The following ATRX variants were observed in gnomAD, a reference collection of about 807,000 sequenced individuals.
ATRX encodes the protein chromatin remodeler ATRX.
ATRX carries 12 observed loss-of-function variants against 172.6 expected under a neutral mutation model. The observed-to-expected ratio is 0.07, with a 90% CI of 0.04 to 0.11. The LOEUF is 0.11. ATRX is among the 10% of genes least tolerant of loss of function. ATRX has a pLI of 1.00. For missense variants in ATRX, 1,368 were observed against 1,767.4 expected, an observed-to-expected ratio of 0.77 and a Z score of 4.05; for synonymous variants, 674 against 594.7, an observed-to-expected ratio of 1.13 and a Z score of -1.94.
rs1175933128 is a variant in ATRX, at chrX:77,786,106, G to A, written c.-105C>T. The A allele has an allele frequency of 1.0e-6, 1 of 978,335 alleles. No individual in the cohort carries two copies. The highest frequency in any genetic ancestry group is 1.4e-6 in the Non-Finnish European group (1 of 712,299). 80.6% of individuals were successfully genotyped at this position (978,335 alleles called of 1,213,427 possible). A position where few individuals can be genotyped will look rare whatever the true frequency, so the allele number is the denominator to read the frequency against. ...ATGCACTGGAGTCTTAGTCGTCACT[G>A]TAGCTGCTGCTGGAACCTCCCCACA... On this transcript the variant is annotated 5_prime_UTR_variant, in exon 1 of 35. Transcript: ENST00000373344.
rs1202049886 is a variant in ATRX at position 77,735,766 on chromosome X, C to T, written c.21-18523G>A. 4.2e-5 allele frequency among the ~76,000 whole-genome samples: 4 copies of T among 95,297 alleles called. No homozygotes were observed. The East Asian group carries it at 1.3e-3, about 32-fold the overall frequency. 82.8% of individuals were successfully genotyped at this position (95,297 alleles called of 115,157 possible). ...GCAGTGAGCCGAGATCGTGCCACTG[C>T]ACTCCAGCCTGGGTGACAGAGCAAG... On this transcript the variant is annotated intron_variant, in intron 1 of 34. Transcript: ENST00000373344.
At chrX:77,710,101 C>A (rs1211251007) in intron 2 of ATRX, among the ~76,000 whole-genome samples, 1 of 109,946 alleles carries the variant, frequency 9.1e-6, no homozygotes, top group Admixed American at 9.7e-5. Context: ...GAGTTCGAGA[C>A]CAGCCTGGCC....
intron 30 of ATRX, among the ~76,000 whole-genome samples, chrX:77,530,098 A>C (rs1401325588): frequency 8.9e-6 from 1 of 112,105 alleles, no homozygotes; most frequent in Non-Finnish European, 1.9e-5. Context: ...ACAGTCTCTT[A>C]GACCACAGCG....
At chrX:77,534,542 T>C (rs918823006) in intron 30 of ATRX, among the ~76,000 whole-genome samples, 5 of 111,708 alleles carry the variant, frequency 4.5e-5, no homozygotes, top group Admixed American at 9.5e-5. Context: ...TTGAAAACAA[T>C]AGTGGAGCAG....
At chrX:77,628,159 A>G (rs1602949337) in intron 19 of ATRX, among the ~76,000 whole-genome samples, 1 of 112,685 alleles carries the variant, frequency 8.9e-6, no homozygotes, top group East Asian at 2.8e-4. Flanking sequence ...TCAATACACT[A>G]TGGAAACCTG....
Position 77,681,807 on chromosome X carries a change from T to G in ATRX, c.3449A>C (p.Gln1150Pro). Residue 1150 changes from glutamine (Q) to proline (P), a missense_variant, in exon 9 of 35, where the codon CAA becomes CCA. This residue lies in a region of ATRX where 843 missense variants were observed against 643.1 expected (regional missense o/e 1.31). Transcript: ENST00000373344. ...LSSKRNTKEI[Q>P]SGSSSSDAEE... ...AGCATCAGATGATGATGAGCCACTT[T>G]GTATTTCCTTAGTATTTCTCTTTGA... 1 of 1,197,927 alleles carries G rather than the reference T, an allele frequency of 8.3e-7. No homozygotes were observed. The highest frequency in any genetic ancestry group is 1.1e-6 in the Non-Finnish European group (1 of 890,945).
intron 1 of ATRX, among the ~76,000 whole-genome samples, chrX:77,763,455 TTTC>T (rs1261648176): frequency 1.0e-5 from 1 of 97,655 alleles, no homozygotes; most frequent in Non-Finnish European, 2.0e-5. Flanking sequence ...ATTATACTAT[TTTC>T]TTTTTTCTTT....
At chrX:77,775,391 A>C (rs1047326450) in intron 1 of ATRX, among the ~76,000 whole-genome samples, 13 of 111,872 alleles carry the variant, frequency 1.2e-4, no homozygotes, top group Non-Finnish European at 1.9e-5. Flanking sequence ...TTACAAAAAA[A>C]CAATCACATG....
In ATRX at chrX:77,695,270, T is replaced by C. The variant is rs782753400; in HGVS notation, c.370+1307A>G. Among the ~76,000 whole-genome samples the C allele has an allele frequency of 2.7e-5, 3 of 111,004 alleles. No homozygotes were observed. In the Admixed American group the frequency reaches 2.9e-4, roughly 11 times the overall value. ...GCAAAATAATAACTACCTTACAGTGTTGTTTTGAGGATTAAAGGAGTTAAT... is the reference window on the plus strand; with the variant it reads ...GCAAAATAATAACTACCTTACAGTGCTGTTTTGAGGATTAAAGGAGTTAAT... On this transcript the variant is annotated intron_variant, in intron 5 of 34. Transcript: ENST00000373344.
chrX:77,720,836 A>T (rs1557168544), intron 1 of ATRX, among the ~76,000 whole-genome samples: 1 of 111,884 alleles, frequency 8.9e-6, no homozygotes, highest in Non-Finnish European at 1.9e-5. Context: ...TGAGGCCAGC[A>T]TCATCCTGAT....
rs782165208 is a variant in ATRX, at chrX:77,543,288, T to A, written c.6699+14163A>T. Among the ~76,000 whole-genome samples, 7 of 111,810 alleles carry A rather than the reference T, an allele frequency of 6.3e-5. No individual in the cohort carries two copies. The South Asian group carries it at 2.6e-3, about 42-fold the overall frequency. ...TCTCATGCCAGTTAGAATGGCGATCTTTAAAAAGTCAGGAAACAACAGGTG... is the reference window on the plus strand; with the variant it reads ...TCTCATGCCAGTTAGAATGGCGATCATTAAAAAGTCAGGAAACAACAGGTG... On this transcript the variant is annotated intron_variant, in intron 30 of 34. Transcript: ENST00000373344.
chrX:77,725,728 C>CA (rs1305353623), intron 1 of ATRX, among the ~76,000 whole-genome samples: 2 of 111,913 alleles, frequency 1.8e-5, no homozygotes, highest in Non-Finnish European at 3.8e-5. Context: ...ACTCATCTGA[C>CA]AAAGGGCTAA....
chrX:77,694,381 A>T (rs1328218281), intron 5 of ATRX, among the ~76,000 whole-genome samples: 1 of 111,514 alleles, frequency 9.0e-6, no homozygotes, highest in Non-Finnish European at 1.9e-5. Flanking sequence ...AAAGATTTTT[A>T]AGGGTAGTTT....
rs2071429803 is a variant in ATRX, at chrX:77,684,257, A to G, written c.999T>C (p.Asp333=). 14 of 1,209,879 alleles carry G rather than the reference A, an allele frequency of 1.2e-5. No homozygotes were observed. Among genetic ancestry groups the G allele is most frequent in the Non-Finnish European group, 1.5e-5 (13 of 893,872 alleles). ...AGTAGGTTACAGAGCCAGAACAGGA[A>G]TCATCTAATTTCTTTTCTTCTCCAT... is the stretch of plus-strand genomic sequence containing the variant. The part of the protein sequence containing the change: ...NCNGEEKKLD[D]SCSGSVTYSY... The change falls in exon 9 of 35, where the codon GAT becomes GAC. Residue 333 remains aspartate (D), a synonymous_variant. Transcript: ENST00000373344.
intron 4 of ATRX, 71 bp from the exon 5 acceptor site, chrX:77,696,775 T>C (rs782332986): frequency 1.9e-6 from 2 of 1,079,455 alleles, no homozygotes; most frequent in Non-Finnish European, 2.5e-6. Context: ...AGAACATAAA[T>C]AACATGTTGA....
chrX:77,597,738 A>G lies in ATRX; in HGVS notation c.5956+1673T>C, dbSNP rs138699338. 8.9e-5 allele frequency among the ~76,000 whole-genome samples: 10 copies of G among 112,228 alleles called. No homozygotes were observed. In the East Asian group the frequency reaches 2.8e-3, roughly 31 times the overall value. On this transcript the variant is annotated intron_variant, in intron 25 of 34. Coordinates refer to ENST00000373344, the MANE Select transcript of ATRX (RefSeq NM_000489.6). ...AGGAGAAATGCAAATCCAAACCACA[A>G]TGAGACACAATCTCACACCAGTCAG...
chrX:77,508,401 G>T lies in ATRX; in HGVS notation c.7429C>A (p.Pro2477Thr), dbSNP rs1557034699. 9 of 1,209,536 alleles carry T rather than the reference G, an allele frequency of 7.4e-6. No homozygotes were observed. Among genetic ancestry groups the T allele is most frequent in the Admixed American group, 6.6e-5 (3 of 45,705 alleles). ...MQPPPLQRAP[P>T]PMRSKNPGPS... ...CCTGGATTTTTGCTTCTCATTGGGG[G>T]TGGTGCACGCTGTAATGGTGGTGGC... The change falls in exon 35 of 35, where the codon CCC becomes ACC. Residue 2477 changes from proline (P) to threonine (T), a missense_variant. Coordinates refer to ENST00000373344, the MANE Select transcript of ATRX (RefSeq NM_000489.6).
At chrX:77,723,458 G>A (rs535438732) in intron 1 of ATRX, among the ~76,000 whole-genome samples, 4 of 111,896 alleles carry the variant, frequency 3.6e-5, no homozygotes, top group Middle Eastern at 4.6e-3. Context: ...AACAGACACC[G>A]TAACTAGAGA....
intron 30 of ATRX, among the ~76,000 whole-genome samples, chrX:77,556,850 T>G (rs1234174787): frequency 3.6e-5 from 4 of 112,118 alleles, no homozygotes; most frequent in Admixed American, 2.8e-4. Context: ...GCTTTTGAGT[T>G]GGTCAGATAT....
Sources: gnomAD v4.1 joint callset for allele counts (sites outside exome capture counted in the v4.1 genomes callset) on GRCh38, gnomAD v4.1.1 for gene constraint, gnomAD v4.1.1 regional missense constraint, MANE v1.5 for transcripts, NCBI Gene and HGNC (gene_info 2026-07-23, HGNC 2026-07-21) for gene names.